Variants in DOCK3 observed in about 807,000 individuals in gnomAD.
DOCK3 encodes the protein dedicator of cytokinesis 3.
DOCK3 carries 60 observed loss-of-function variants against 265.6 expected under a neutral mutation model. The observed-to-expected ratio is 0.23, with a 90% CI of 0.18 to 0.28. The LOEUF is 0.28. DOCK3 is among the 10% of genes least tolerant of loss of function. The pLI is 1.00. For missense variants in DOCK3, 1,981 were observed against 2,594.3 expected (o/e 0.76, Z 5.14); for synonymous variants, 881 against 938.0 (o/e 0.94, Z 1.11).
intron 5 of DOCK3, among the ~76,000 whole-genome samples, chr3:51,030,778 C>G (rs1451721059): frequency 2.0e-5 from 3 of 152,166 alleles, no homozygotes; most frequent in South Asian, 4.1e-4. Context: ...TTTTGACAAC[C>G]TTGGCAGCAC....
At position 51,275,129 on chromosome 3, in the gene DOCK3, C is replaced by T. The variant is rs763960844; in HGVS notation, c.2599C>T (p.Leu867=). 6.2e-7 allele frequency: 1 copy of T among 1,614,014 alleles called. No individual in the cohort carries two copies. The highest frequency in any genetic ancestry group is 1.3e-5 in the African/African-American group (1 of 75,048). Residue 867 remains leucine, a synonymous_variant, in exon 25 of 53, where the codon CTG becomes TTG. Coordinates refer to ENST00000266037, the MANE Select transcript of DOCK3 (RefSeq NM_004947.5). The part of the protein sequence containing the change: ...PVVLHHIHLH[L]RQQKELLICS... ...GGTTCTCCATCACATTCACCTTCAC[C>T]TGAGGCAGCAGAAAGAGCTGCTAAT...
At chr3:51,189,935 G>C (rs558460979) in intron 12 of DOCK3, among the ~76,000 whole-genome samples, 1 of 152,048 alleles carries the variant, frequency 6.6e-6, no homozygotes, top group Non-Finnish European at 1.5e-5. Context: ...CACTCACACC[G>C]AGCTCACATG....
chr3:51,027,676 C>T (rs1298112596), intron 5 of DOCK3, among the ~76,000 whole-genome samples: 1 of 152,014 alleles, frequency 6.6e-6, no homozygotes, highest in African/African-American at 2.4e-5. Flanking sequence ...GAATTTAACC[C>T]TTTATCATTA....
chr3:50,955,581 G>A (rs995437622), intron 5 of DOCK3, among the ~76,000 whole-genome samples: 3 of 152,068 alleles, frequency 2.0e-5, no homozygotes, highest in African/African-American at 7.2e-5. Context: ...ACTGATGCGG[G>A]GACAGAAAAC....
At chr3:50,820,824 C>CT (rs56022017) in intron 2 of DOCK3, among the ~76,000 whole-genome samples, 91,192 of 131,218 alleles carry the variant, frequency 0.69, 32,493 homozygotes, top group Middle Eastern at 0.79. Flanking sequence ...TTGCTGGCAT[C>CT]TTTTTTTTTT....
chr3:51,287,389 AAAAAT>A (rs2081466073), intron 27 of DOCK3, among the ~76,000 whole-genome samples: 2 of 152,218 alleles, frequency 1.3e-5, no homozygotes, highest in East Asian at 1.9e-4. Context: ...TCTTGACAAA[AAAAAT>A]AAAATAAAAA....
At position 50,990,006 on chromosome 3, in the gene DOCK3, ACAAT is replaced by A. The variant is rs148255910; in HGVS notation, c.315+55932_315+55935del. ...TAACACAATATAAGAATTTCACAGT[ACAAT>A]CACAAGTATTAATAGCAGAATGAAC... is the stretch of plus-strand genomic sequence containing the variant. On this transcript the variant is annotated intron_variant, in intron 5 of 52. Transcript: ENST00000266037. Among the ~76,000 whole-genome samples the A allele has an allele frequency of 6.2e-4, 94 of 152,342 alleles. 1 individual carries two copies. In the East Asian group the frequency reaches 0.017, roughly 27 times the overall value.
chr3:50,865,991 T>A (rs905939505), intron 3 of DOCK3, among the ~76,000 whole-genome samples: 1 of 152,228 alleles, frequency 6.6e-6, no homozygotes, highest in African/African-American at 2.4e-5. Context: ...GCCCATTTTT[T>A]GATCAGATTA....
At chr3:50,803,056 GTATTTATT>G (rs546247727) in intron 2 of DOCK3, among the ~76,000 whole-genome samples, 49 of 147,968 alleles carry the variant, frequency 3.3e-4, no homozygotes, top group South Asian at 1.1e-3. Context: ...ATGTATTTAT[GTATTTATT>G]TATTTATTTA....
chr3:50,882,703 G>T (rs9836137), intron 3 of DOCK3, among the ~76,000 whole-genome samples: 1,618 of 152,324 alleles, frequency 0.011, 39 homozygotes, highest in African/African-American at 0.036. Flanking sequence ...GTGGAAGACA[G>T]TGTGGAGATT....
intron 11 of DOCK3, 124 bp downstream of exon 11, chr3:51,159,428 C>G: frequency 1.2e-6 from 1 of 861,238 alleles, no homozygotes; most frequent in Non-Finnish European, 1.8e-6. Flanking sequence ...GGATTAGAGT[C>G]CAGCTTGTAT....
At chr3:51,250,146 A>G (rs1185376749) in intron 22 of DOCK3, among the ~76,000 whole-genome samples, 5 of 151,832 alleles carry the variant, frequency 3.3e-5, no homozygotes, top group Non-Finnish European at 5.9e-5. Context: ...GGAAGGCCGC[A>G]GGGTCCTCTG....
At chr3:50,697,274 T>G (rs2035691177) in intron 1 of DOCK3, among the ~76,000 whole-genome samples, 1 of 152,144 alleles carries the variant, frequency 6.6e-6, no homozygotes, top group Non-Finnish European at 1.5e-5. Context: ...TGTCGTTTAC[T>G]TAATTGAAAT....
At chr3:51,278,782 G>T (rs2080956811) in intron 26 of DOCK3, among the ~76,000 whole-genome samples, 1 of 152,054 alleles carries the variant, frequency 6.6e-6, no homozygotes. Flanking sequence ...TTATAATGAG[G>T]ATGATAATAA....
At chr3:50,784,953 T>G (rs1018990431) in intron 2 of DOCK3, among the ~76,000 whole-genome samples, 4 of 152,180 alleles carry the variant, frequency 2.6e-5, no homozygotes, top group Admixed American at 6.5e-5. Flanking sequence ...GGTCAGGAGT[T>G]TGAGACTAGC....
chr3:50,887,811 A>C (rs1386188882), intron 3 of DOCK3, among the ~76,000 whole-genome samples: 2 of 149,262 alleles, frequency 1.3e-5, no homozygotes, highest in East Asian at 3.9e-4. Flanking sequence ...ATAAAATTCT[A>C]CACCCCTTTA....
chr3:51,228,471 T>C (rs2090420002), intron 17 of DOCK3, among the ~76,000 whole-genome samples, 190 bp from the exon 18 acceptor site: 1 of 152,124 alleles, frequency 6.6e-6, no homozygotes, highest in Admixed American at 6.5e-5. Flanking sequence ...TGCCCCACCA[T>C]ATTCTGTTTA....
chr3:50,958,733 A>C (rs1216955535), intron 5 of DOCK3, among the ~76,000 whole-genome samples: 1 of 152,202 alleles, frequency 6.6e-6, no homozygotes, highest in Non-Finnish European at 1.5e-5. Flanking sequence ...ACAGTAAATA[A>C]AAAGAAAATC....
intron 21 of DOCK3, among the ~76,000 whole-genome samples, chr3:51,245,311 T>C (rs554545422): frequency 6.6e-6 from 1 of 152,044 alleles, no homozygotes; most frequent in African/African-American, 2.4e-5. Context: ...CACTCCAGTC[T>C]GAGCGATAGA....
Sources: gnomAD v4.1 joint callset for allele counts (sites outside exome capture counted in the v4.1 genomes callset) on GRCh38, gnomAD v4.1.1 for gene constraint, MANE v1.5 for transcripts, NCBI Gene and HGNC (gene_info 2026-07-23, HGNC 2026-07-21) for gene names.